Variants in SWT1 observed in about 807,000 individuals in gnomAD.
SWT1 encodes transcriptional protein SWT1.
Under a neutral mutation model 107.3 loss-of-function variants are expected in SWT1, and 33 were observed. The ratio of observed to expected loss-of-function variants is 0.31; its 90% CI spans 0.23 to 0.41. The LOEUF (loss-of-function observed/expected upper bound fraction) is 0.41. Among genes scored for constraint, SWT1 ranks in the 10% least tolerant of loss-of-function variants. SWT1 has a pLI of 1.00. For missense variants in SWT1, 898 were observed against 1,028.9 expected, an observed-to-expected ratio of 0.87 and a Z score of 1.74; for synonymous variants, 345 against 348.3, an observed-to-expected ratio of 0.99 and a Z score of 0.11.
chr1:185,161,073 T>TGGGG, intron 2 of SWT1, 148 bp downstream of exon 2: 2 of 625,446 alleles, frequency 3.2e-6, no homozygotes, highest in Non-Finnish European at 2.7e-6. Context: ...TCCGGTTTTT[T>TGGGG]ACTTGCATTG....
chr1:185,228,200 T>TATATATACAC lies in SWT1; in HGVS notation c.2310-3376_2310-3375insTATATACACA, dbSNP rs1235462995. ...ATATATATATATATACATATATATA[T>TATATATACAC]ACTCAGTATGTTTTTCTTCAGCCTT... On this transcript the variant is annotated intron_variant, in intron 15 of 18. Coordinates refer to ENST00000367500, the MANE Select transcript of SWT1 (RefSeq NM_017673.7). Among the ~76,000 whole-genome samples the TATATATACAC allele has an allele frequency of 2.3e-3, 329 of 144,962 alleles. 2 individuals are homozygous for TATATATACAC. Among genetic ancestry groups the TATATATACAC allele is most frequent in the African/African-American group, 8.0e-3 (300 of 37,530 alleles).
At chr1:185,182,117 A>G (rs1656070675) in intron 7 of SWT1, 60 bp downstream of exon 7, 4 of 1,503,402 alleles carry the variant, frequency 2.7e-6, no homozygotes, top group South Asian at 1.3e-5. Flanking sequence ...TAATGTGCCA[A>G]TATTCAATTT....
At chr1:185,280,268 G>A (rs2102766393) in intron 18 of SWT1, among the ~76,000 whole-genome samples, 1 of 152,238 alleles carries the variant, frequency 6.6e-6, no homozygotes, top group East Asian at 1.9e-4. Flanking sequence ...ATGATTGTAA[G>A]TTTCCTGAGG....
chr1:185,246,973 A>G (rs1401499203), intron 16 of SWT1, among the ~76,000 whole-genome samples: 1 of 152,012 alleles, frequency 6.6e-6, no homozygotes, highest in Non-Finnish European at 1.5e-5. Context: ...TTTTCTTTAC[A>G]TTCTATTGTG....
chr1:185,168,199 G>T, intron 3 of SWT1, 141 bp from the exon 4 acceptor site: 1 of 465,244 alleles, frequency 2.1e-6, no homozygotes, highest in South Asian at 3.1e-5. Context: ...TTTGTGAAAC[G>T]GGGATGATGA....
chr1:185,191,199 T>C (rs1414747211), intron 10 of SWT1, among the ~76,000 whole-genome samples: 1 of 152,174 alleles, frequency 6.6e-6, no homozygotes, highest in African/African-American at 2.4e-5. Flanking sequence ...CTTAGAATAG[T>C]GCCTAATATA....
rs548008904 is a variant in SWT1, at chr1:185,175,604, C to A, written c.966+491C>A. Among the ~76,000 whole-genome samples the A allele has an allele frequency of 1.4e-3, 213 of 152,158 alleles. 2 individuals are homozygous for A. The highest frequency in any genetic ancestry group is 4.9e-3 in the African/African-American group (203 of 41,518). On this transcript the variant is annotated intron_variant, in intron 5 of 18. Transcript: ENST00000367500. Reference sequence around the variant, plus strand: ...TATTCATGAAGATATGTGTTGGTTTCTTTATTTTACTCTCTTTAATTCCAA... The same window carrying A: ...TATTCATGAAGATATGTGTTGGTTTATTTATTTTACTCTCTTTAATTCCAA...
At chr1:185,159,714 A>T (rs1209472403) in intron 1 of SWT1, among the ~76,000 whole-genome samples, 2 of 151,950 alleles carry the variant, frequency 1.3e-5, no homozygotes, top group Non-Finnish European at 2.9e-5. Context: ...TATGTATTTT[A>T]ATATTTTTTT....
At chr1:185,187,831 G>A (rs1025601114) in intron 9 of SWT1, among the ~76,000 whole-genome samples, 7 of 152,076 alleles carry the variant, frequency 4.6e-5, no homozygotes, top group African/African-American at 1.7e-4. Context: ...TGGGATTACA[G>A]GCATGTGCCA....
At chr1:185,213,950 T>G (rs536179877) in intron 13 of SWT1, among the ~76,000 whole-genome samples, 2 of 152,296 alleles carry the variant, frequency 1.3e-5, no homozygotes, top group South Asian at 4.1e-4. Context: ...TTCTCACTGT[T>G]GCCCAAACTT....
At chr1:185,266,357 C>T (rs1290014807) in intron 16 of SWT1, among the ~76,000 whole-genome samples, 1 of 152,224 alleles carries the variant, frequency 6.6e-6, no homozygotes, top group Non-Finnish European at 1.5e-5. Flanking sequence ...AGCCACCGTG[C>T]CCAGCCTTAG....
intron 10 of SWT1, among the ~76,000 whole-genome samples, chr1:185,195,460 T>C (rs904244074): frequency 2.0e-5 from 3 of 152,210 alleles, no homozygotes; most frequent in Admixed American, 6.5e-5. Flanking sequence ...AATAAACATA[T>C]GTGTGCATGT....
At chr1:185,200,001 C>T (rs528286906) in intron 10 of SWT1, among the ~76,000 whole-genome samples, 2 of 152,100 alleles carry the variant, frequency 1.3e-5, no homozygotes, top group Non-Finnish European at 2.9e-5. Context: ...AGTTGATCTT[C>T]AGTTTGTGAT....
chr1:185,204,665 A>G, intron 11 of SWT1, 35 bp from the exon 12 acceptor site: 2 of 1,294,146 alleles, frequency 1.5e-6, no homozygotes, highest in Non-Finnish European at 2.1e-6. Flanking sequence ...TACTGTTAGC[A>G]TTCTAAATAA....
At position 185,233,709 on chromosome 1, in the gene SWT1, T is replaced by C. The variant is rs192031590; in HGVS notation, c.2441+2001T>C. Among the ~76,000 whole-genome samples, 106 of 152,160 alleles carry C rather than the reference T, an allele frequency of 7.0e-4. 1 individual carries two copies. Among genetic ancestry groups the C allele is most frequent in the Admixed American group, 6.0e-3 (91 of 15,280 alleles). ...ACATTCTTTTGCATTTGCTGAAGAGTGTTTTACTTCGAATTATGTGGTCAA... is the reference window on the plus strand; with the variant it reads ...ACATTCTTTTGCATTTGCTGAAGAGCGTTTTACTTCGAATTATGTGGTCAA... On this transcript the variant is annotated intron_variant, in intron 16 of 18. Transcript: ENST00000367500.
chr1:185,270,667 C>G, intron 16 of SWT1, among the ~76,000 whole-genome samples: 1 of 152,156 alleles, frequency 6.6e-6, no homozygotes, highest in Middle Eastern at 3.2e-3. Context: ...CATGATCACA[C>G]CACTGCACTA....
intron 10 of SWT1, among the ~76,000 whole-genome samples, chr1:185,198,938 ATTTT>A (rs58426812): frequency 7.7e-6 from 1 of 129,892 alleles, no homozygotes; most frequent in Non-Finnish European, 1.7e-5. Context: ...GCTCGTTTAC[ATTTT>A]TTTTTTTTTT....
chr1:185,267,663 A>G (rs1054443239), intron 16 of SWT1, among the ~76,000 whole-genome samples: 5 of 152,294 alleles, frequency 3.3e-5, no homozygotes, highest in African/African-American at 9.6e-5. Context: ...TTTAATATAT[A>G]CTTACTGTAA....
intron 15 of SWT1, among the ~76,000 whole-genome samples, chr1:185,230,223 G>C (rs1041393855): frequency 7.2e-5 from 11 of 152,168 alleles, no homozygotes; most frequent in Non-Finnish European, 1.5e-4. Flanking sequence ...ACTCATTCTT[G>C]TTTTTTAGGA....
Sources: gnomAD v4.1 joint callset for allele counts (sites outside exome capture counted in the v4.1 genomes callset) on GRCh38, gnomAD v4.1.1 for gene constraint, MANE v1.5 for transcripts, NCBI Gene and HGNC (gene_info 2026-07-23, HGNC 2026-07-21) for gene names.